NYAP2: variants seen among roughly 807,000 people sequenced by gnomAD.
The protein encoded by NYAP2 is neuronal tyrosine-phosphorylated phosphoinositide-3-kinase adapter 2.
A neutral mutation model predicts 50.4 loss-of-function variants in NYAP2; 23 were observed. That is an observed-to-expected ratio of 0.46 (90% CI 0.33 to 0.65). NYAP2 has a LOEUF of 0.65. Ranked by LOEUF, NYAP2 falls within the 30% of genes least tolerant of loss-of-function variation. The probability of loss-of-function intolerance (pLI) is 0.02; values close to 1 mark genes in which losing one functional copy is unlikely to be tolerated. For missense variants in NYAP2, 885 were observed against 861.0 expected (o/e 1.03, Z -0.35); for synonymous variants, 394 against 365.2 (o/e 1.08, Z -0.90).
chr2:225,582,929 C>T lies in NYAP2; in HGVS notation c.1512C>T (p.Ser504=). The T allele has an allele frequency of 6.2e-7, 1 of 1,612,914 alleles. No individual in the cohort carries two copies. The highest frequency in any genetic ancestry group is 8.5e-7 in the Non-Finnish European group (1 of 1,179,834). ...GGGCAGCCCCGGGTGGCTCCCGGTC[C>T]CGGACACCCACGAGCCCGCTGGAGG... The change falls in exon 5 of 7, where the codon TCC becomes TCT. Residue 504 remains serine, a synonymous_variant. Coordinates refer to ENST00000636099, the Ensembl canonical transcript of NYAP2. This position sits in a 1 kb window ranked among gnomAD's most constrained non-coding sequence, Gnocchi z 7.0.
At chr2:225,553,551 A>T (rs1691719293) in intron 4 of NYAP2, among the ~76,000 whole-genome samples, 1 of 152,238 alleles carries the variant, frequency 6.6e-6, no homozygotes, top group Non-Finnish European at 1.5e-5. Context: ...ATGGAAGCTG[A>T]CTTTATATGT....
At chr2:225,485,975 C>G (rs1332276564) in intron 3 of NYAP2, among the ~76,000 whole-genome samples, 1 of 152,156 alleles carries the variant, frequency 6.6e-6, no homozygotes, top group Admixed American at 6.5e-5. Flanking sequence ...AGAACTATCT[C>G]TAGATATTGC....
chr2:225,442,446 A>C (rs963074324), intron 3 of NYAP2, among the ~76,000 whole-genome samples: 1 of 152,238 alleles, frequency 6.6e-6, no homozygotes, highest in Non-Finnish European at 1.5e-5. Flanking sequence ...GAAAATGTGC[A>C]TTATTTCCTG....
intron 5 of NYAP2, among the ~76,000 whole-genome samples, chr2:225,611,677 A>T (rs1574708326): frequency 6.6e-6 from 1 of 151,908 alleles, no homozygotes; most frequent in East Asian, 1.9e-4. Flanking sequence ...CTAATTCCAT[A>T]TGAGTTCATG....
the NYAP2 span, among the ~76,000 whole-genome samples, chr2:225,672,819 G>A: frequency 1.3e-5 from 2 of 151,986 alleles, no homozygotes; most frequent in Non-Finnish European, 2.9e-5. Context: ...AAGAGATGGG[G>A]GATATTTGGT....
At chr2:225,448,873 C>A (rs1174923006) in intron 3 of NYAP2, among the ~76,000 whole-genome samples, 1 of 152,032 alleles carries the variant, frequency 6.6e-6, no homozygotes, top group Non-Finnish European at 1.5e-5. Context: ...ATTCATGGCC[C>A]ATGGGTTTGT....
intron 3 of NYAP2, among the ~76,000 whole-genome samples, chr2:225,479,996 G>A (rs750634583): frequency 2.3e-4 from 35 of 151,968 alleles, no homozygotes; most frequent in Non-Finnish European, 4.3e-4. Flanking sequence ...GTCTACTGAC[G>A]TCACTGGACT....
At chr2:225,550,793 G>A (rs1431078) in intron 4 of NYAP2, among the ~76,000 whole-genome samples, 93,422 of 151,996 alleles carry the variant, frequency 0.61, 30,994 homozygotes, top group South Asian at 0.85. Context: ...AGCCCATCAG[G>A]GCCTTTGATG....
chr2:225,460,788 G>C (rs779066281), intron 3 of NYAP2, among the ~76,000 whole-genome samples: 1 of 152,044 alleles, frequency 6.6e-6, no homozygotes, highest in Admixed American at 6.6e-5. Flanking sequence ...AATTTACTCT[G>C]ATGACTGAAA....
Position 225,582,470 on chromosome 2 carries a change from C to T in NYAP2, c.1053C>T (p.Asp351=), listed in dbSNP as rs1692306766. The T allele has an allele frequency of 1.3e-6, 2 of 1,551,884 alleles. No homozygotes were observed. The highest frequency in any genetic ancestry group is 1.7e-6 in the Non-Finnish European group (2 of 1,143,156). ...CCGTGCATTGCTCCCCCAACTCCGACGAGTCCCCGCTTACCCCTCTGGAGG... is the reference window on the plus strand; with the variant it reads ...CCGTGCATTGCTCCCCCAACTCCGATGAGTCCCCGCTTACCCCTCTGGAGG... Residue 351 remains aspartate, a synonymous_variant, in exon 5 of 7, where the codon GAC becomes GAT. Coordinates refer to ENST00000636099, the Ensembl canonical transcript of NYAP2. The surrounding 1 kb of genome is among the most constrained non-coding windows in gnomAD (Gnocchi z 7.0).
chr2:225,524,039 G>A (rs1326556894), intron 4 of NYAP2, among the ~76,000 whole-genome samples: 1 of 152,144 alleles, frequency 6.6e-6, no homozygotes, highest in Non-Finnish European at 1.5e-5. Flanking sequence ...GGATTCTCCA[G>A]AGGGACAGAA....
intron 3 of NYAP2, among the ~76,000 whole-genome samples, chr2:225,413,687 A>G (rs1695082570): frequency 1.3e-5 from 2 of 152,212 alleles, no homozygotes; most frequent in South Asian, 4.1e-4. Flanking sequence ...GAGGACCAAC[A>G]TCTAAACCTA....
chr2:225,536,879 C>T (rs560197742), intron 4 of NYAP2, among the ~76,000 whole-genome samples: 8 of 151,456 alleles, frequency 5.3e-5, no homozygotes, highest in East Asian at 3.9e-4. Context: ...CCCGGGTTCA[C>T]GCCATTCTCC....
chr2:225,499,370 A>G (rs1466971370), intron 3 of NYAP2, among the ~76,000 whole-genome samples: 3 of 151,430 alleles, frequency 2.0e-5, no homozygotes, highest in African/African-American at 7.3e-5. Flanking sequence ...GCTGGAGTAC[A>G]GTGGCGCCAT....
intron 3 of NYAP2, among the ~76,000 whole-genome samples, chr2:225,424,382 TAAGTA>T (rs536804929): frequency 6.6e-6 from 1 of 152,254 alleles, no homozygotes; most frequent in East Asian, 1.9e-4. Flanking sequence ...AATAACTTAA[TAAGTA>T]ATGTAGCACA....
intron 3 of NYAP2, among the ~76,000 whole-genome samples, chr2:225,446,243 T>G (rs866383636): frequency 1.2e-4 from 13 of 107,808 alleles, no homozygotes; most frequent in Middle Eastern, 8.4e-3. Context: ...TCTCTCTCTC[T>G]CTCTATATAT....
the NYAP2 span, among the ~76,000 whole-genome samples, chr2:225,665,644 A>G: frequency 1.1e-4 from 16 of 150,300 alleles, no homozygotes; most frequent in African/African-American, 3.9e-4. Context: ...CCCCGTCTCT[A>G]CTAAAAATAC....
At chr2:225,608,787 A>G (rs958863034) in intron 5 of NYAP2, among the ~76,000 whole-genome samples, 6 of 152,158 alleles carry the variant, frequency 3.9e-5, no homozygotes, top group African/African-American at 1.2e-4. Flanking sequence ...CCTTATTCTT[A>G]GTTCTGAGCC....
intron 3 of NYAP2, among the ~76,000 whole-genome samples, chr2:225,431,538 A>C (rs916642900): frequency 6.6e-6 from 1 of 152,194 alleles, no homozygotes; most frequent in Non-Finnish European, 1.5e-5. Flanking sequence ...TTAAATTTCC[A>C]ATGTCAGTCA....
Sources: allele counts gnomAD v4.1 joint callset (sites outside exome capture counted in the v4.1 genomes callset), GRCh38; gene constraint gnomAD v4.1.1; non-coding constraint Gnocchi (gnomAD v3.1); transcripts MANE v1.5; gene names NCBI Gene and HGNC (gene_info 2026-07-23, HGNC 2026-07-21).